Variants in RASA1 observed in about 807,000 individuals in gnomAD.
The protein encoded by RASA1 is ras GTPase-activating protein 1.
In RASA1, 25 loss-of-function variants were observed where a neutral mutation model predicts 132.2. The ratio of observed to expected loss-of-function variants is 0.19; its 90% CI spans 0.14 to 0.26. The LOEUF is 0.26. Ranked by LOEUF, RASA1 falls within the 10% of genes least tolerant of loss-of-function variation. The pLI is 1.00. For synonymous variants in RASA1, 477 were observed against 449.9 expected (o/e 1.06, Z -0.76); for missense variants, 964 against 1,299.2 (o/e 0.74, Z 3.97).
intron 8 of RASA1, among the ~76,000 whole-genome samples, chr5:87,352,711 A>G (rs796746082): frequency 2.0e-5 from 3 of 151,810 alleles, no homozygotes; most frequent in African/African-American, 7.2e-5. Flanking sequence ...TGTTTCTGAT[A>G]TAAAACCAGT....
chr5:87,317,064 G>A (rs779476759), intron 1 of RASA1, among the ~76,000 whole-genome samples: 3 of 152,060 alleles, frequency 2.0e-5, no homozygotes, highest in Non-Finnish European at 4.4e-5. Flanking sequence ...TGTATTTTTA[G>A]TAGAGTTGGG....
chr5:87,361,899 A>G (rs2112454342), intron 9 of RASA1, among the ~76,000 whole-genome samples: 1 of 152,260 alleles, frequency 6.6e-6, no homozygotes, highest in East Asian at 1.9e-4. Context: ...TTTACCTTGA[A>G]AAAAGAGGTA....
At chr5:87,369,674 G>GC in intron 11 of RASA1, 139 bp from the exon 12 acceptor site, 1 of 619,828 alleles carries the variant, frequency 1.6e-6, no homozygotes, top group East Asian at 2.9e-5. Context: ...TTTTAGTAAT[G>GC]ATCTGGTACA....
intron 1 of RASA1, among the ~76,000 whole-genome samples, chr5:87,284,396 T>C (rs1754453432): frequency 6.6e-6 from 1 of 152,114 alleles, no homozygotes; most frequent in Non-Finnish European, 1.5e-5. Flanking sequence ...CTCACATCAG[T>C]TGGGTTTTAG....
intron 20 of RASA1, among the ~76,000 whole-genome samples, chr5:87,382,158 G>T (rs1328222324): frequency 6.6e-6 from 1 of 152,090 alleles, no homozygotes; most frequent in East Asian, 1.9e-4. Flanking sequence ...GACCATGTTG[G>T]CCAGGCTGGT....
chr5:87,367,995 G>GT (rs1176314180), intron 11 of RASA1, among the ~76,000 whole-genome samples: 11 of 151,928 alleles, frequency 7.2e-5, no homozygotes, highest in East Asian at 3.9e-4. Context: ...TTATCCTTAG[G>GT]TTTGTAGTGC....
intron 3 of RASA1, 150 bp downstream of exon 3, chr5:87,332,792 G>A: frequency 1.2e-6 from 1 of 816,684 alleles, no homozygotes; most frequent in Non-Finnish European, 1.8e-6. Context: ...AGAACAAAAT[G>A]GACAACTTCT....
chr5:87,322,487 A>C (rs1239851867), intron 1 of RASA1, among the ~76,000 whole-genome samples: 1 of 152,202 alleles, frequency 6.6e-6, no homozygotes, highest in Non-Finnish European at 1.5e-5. Context: ...TAAATCAGTC[A>C]GTCCCTGGTG....
At chr5:87,271,115 G>C (rs1753811258) in intron 1 of RASA1, among the ~76,000 whole-genome samples, 1 of 152,050 alleles carries the variant, frequency 6.6e-6, no homozygotes, top group Non-Finnish European at 1.5e-5. Context: ...GCGGGTGCCT[G>C]TAATCCCAGC....
chr5:87,390,437 G>A (rs1363469077), intron 24 of RASA1, among the ~76,000 whole-genome samples: 2 of 142,496 alleles, frequency 1.4e-5, no homozygotes, highest in African/African-American at 2.6e-5. Context: ...CCCTCCCCCC[G>A]CAGCTTTCAA....
At chr5:87,272,829 A>G (rs1007230289) in intron 1 of RASA1, among the ~76,000 whole-genome samples, 2 of 152,220 alleles carry the variant, frequency 1.3e-5, no homozygotes, top group Non-Finnish European at 2.9e-5. Context: ...GGTGAAATTC[A>G]AGTGTTCTCT....
intron 11 of RASA1, among the ~76,000 whole-genome samples, chr5:87,368,744 G>T (rs949392366): frequency 6.6e-6 from 1 of 152,078 alleles, no homozygotes; most frequent in Non-Finnish European, 1.5e-5. Context: ...TCTGCTTAGC[G>T]TCTCAGCTAC....
In RASA1 at chr5:87,349,128, TTGAA is replaced by T. The variant is rs1759074674; in HGVS notation, c.1103-83_1103-80del. 5 of 1,471,932 alleles carry T rather than the reference TTGAA, an allele frequency of 3.4e-6. No individual in the cohort carries two copies. In the Admixed American group the frequency reaches 9.1e-5, roughly 27 times the overall value. The allele number at this position is 1,471,932 out of a possible 1,614,324, so 91.2% of individuals were successfully genotyped here. ...TGAAAATTTACATATGTTTATGACT[TTGAA>T]TGCACTTTGTAATAATACTACTTAA... On this transcript the variant is annotated intron_variant, in intron 7 of 24. Coordinates refer to ENST00000274376, the MANE Select transcript of RASA1 (RefSeq NM_002890.3).
intron 1 of RASA1, among the ~76,000 whole-genome samples, chr5:87,320,587 A>G (rs1424002686): frequency 1.3e-5 from 2 of 152,188 alleles, no homozygotes; most frequent in South Asian, 2.1e-4. Context: ...CTTTTAAACC[A>G]TCAGATCTTG....
At chr5:87,342,767 T>C (rs947507191) in intron 6 of RASA1, among the ~76,000 whole-genome samples, 5 of 152,318 alleles carry the variant, frequency 3.3e-5, no homozygotes, top group East Asian at 1.9e-4. Context: ...CTAGTTGATA[T>C]GTGTAGGAAT....
chr5:87,338,421 T>G (rs1758137750), intron 5 of RASA1, among the ~76,000 whole-genome samples: 1 of 146,940 alleles, frequency 6.8e-6, no homozygotes, highest in African/African-American at 2.5e-5. Flanking sequence ...AACCTCCACC[T>G]CCCAGGTTCA....
chr5:87,296,208 C>T (rs116771873), intron 1 of RASA1, among the ~76,000 whole-genome samples: 1 of 151,612 alleles, frequency 6.6e-6, no homozygotes, highest in Non-Finnish European at 1.5e-5. Flanking sequence ...TCAAATAGTA[C>T]TGTATTGCTT....
intron 1 of RASA1, among the ~76,000 whole-genome samples, chr5:87,330,375 C>G (rs1681455876): frequency 6.6e-6 from 1 of 151,946 alleles, no homozygotes; most frequent in Admixed American, 6.6e-5. Context: ...TTTGGTAAAG[C>G]TGAAGTACTA....
intron 1 of RASA1, among the ~76,000 whole-genome samples, chr5:87,273,165 T>A (rs1242345147): frequency 6.6e-6 from 1 of 152,214 alleles, no homozygotes; most frequent in Non-Finnish European, 1.5e-5. Context: ...ATTAACACTA[T>A]TAATTAGTAT....
Sources: gnomAD v4.1 joint callset for allele counts (sites outside exome capture counted in the v4.1 genomes callset) on GRCh38, gnomAD v4.1.1 for gene constraint, MANE v1.5 for transcripts, NCBI Gene and HGNC (gene_info 2026-07-23, HGNC 2026-07-21) for gene names.